Variants in MTSS1 observed in about 807,000 individuals in gnomAD.
MTSS1 encodes the protein MTSS I-BAR domain containing 1, also known as protein MTSS 1.
In MTSS1, 18 loss-of-function variants were observed where a neutral mutation model predicts 79.0. The ratio of observed to expected loss-of-function variants is 0.23; its 90% CI spans 0.16 to 0.34. The LOEUF is 0.34. Ranked by LOEUF, MTSS1 falls within the 10% of genes least tolerant of loss-of-function variation. The pLI is 1.00. For synonymous variants in MTSS1, 341 were observed against 368.6 expected, an observed-to-expected ratio of 0.93 and a Z score of 0.86; for missense variants, 815 against 986.2, an observed-to-expected ratio of 0.83 and a Z score of 2.33.
At chr8:124,622,094 G>GAGAGAGAGAA (rs1554678118) in intron 3 of MTSS1, among the ~76,000 whole-genome samples, 83 of 150,182 alleles carry the variant, frequency 5.5e-4, no homozygotes, top group Admixed American at 2.1e-3. Context: ...GAGAGAGAGA[G>GAGAGAGAGAA]AGAATATGAA....
intron 3 of MTSS1, among the ~76,000 whole-genome samples, chr8:124,626,593 T>C (rs1814717704): frequency 6.6e-6 from 1 of 151,406 alleles, no homozygotes; most frequent in Non-Finnish European, 1.5e-5. Context: ...GGGGGCAGAG[T>C]GTGGGATGAG....
At chr8:124,621,614 G>A (rs1587358444) in intron 3 of MTSS1, among the ~76,000 whole-genome samples, 1 of 152,048 alleles carries the variant, frequency 6.6e-6, no homozygotes, top group African/African-American at 2.4e-5. Flanking sequence ...GCGCCATCTC[G>A]GCTCACTGCA....
chr8:124,629,267 C>A (rs1215286815), intron 3 of MTSS1, among the ~76,000 whole-genome samples: 1 of 152,036 alleles, frequency 6.6e-6, no homozygotes, highest in Non-Finnish European at 1.5e-5. Context: ...GTAATCCCAG[C>A]ACTTTGGGAG....
intron 3 of MTSS1, among the ~76,000 whole-genome samples, chr8:124,680,914 G>A (rs12677084): frequency 0.14 from 21,773 of 152,064 alleles, 1,775 homozygotes; most frequent in East Asian, 0.39. Flanking sequence ...GGTTCGGCAA[G>A]GTCACCAAGA....
chr8:124,670,497 A>G (rs907346665), intron 3 of MTSS1, among the ~76,000 whole-genome samples: 2 of 151,950 alleles, frequency 1.3e-5, no homozygotes, highest in African/African-American at 4.8e-5. Context: ...CTTGCAAAGG[A>G]GTCTCGAAAA....
chr8:124,681,521 C>T (rs1247198323), intron 3 of MTSS1, among the ~76,000 whole-genome samples: 2 of 152,252 alleles, frequency 1.3e-5, no homozygotes, highest in African/African-American at 4.8e-5. Context: ...GGCGCAGTGG[C>T]TCATGCCTGT....
chr8:124,612,112 C>T lies in MTSS1; in HGVS notation c.209-20877G>A, dbSNP rs117881358. ...AGTTTCAGGCAGGAATTATCTGCTG[C>T]AGGAATTAGTATCGATTTGGTGAGC... On this transcript the variant is annotated intron_variant, in intron 3 of 13. Transcript: ENST00000518547. Among the ~76,000 whole-genome samples, 86 of 152,318 alleles carry T rather than the reference C, an allele frequency of 5.6e-4. No individual in the cohort carries two copies. In the East Asian group the frequency reaches 0.014, roughly 25 times the overall value.
chr8:124,715,912 C>T (rs1831877530), intron 1 of MTSS1, among the ~76,000 whole-genome samples: 1 of 152,198 alleles, frequency 6.6e-6, no homozygotes, highest in Non-Finnish European at 1.5e-5. Flanking sequence ...ACACTGATGG[C>T]AGTCCCTGCC....
At chr8:124,556,503 C>G (rs1056234324) in intron 11 of MTSS1, 98 bp from the exon 12 acceptor site, 18 of 1,335,944 alleles carry the variant, frequency 1.3e-5, no homozygotes, top group Non-Finnish European at 1.7e-5. Context: ...CAGCTGGTCC[C>G]CTTAAGGGGA....
intron 3 of MTSS1, among the ~76,000 whole-genome samples, chr8:124,698,336 G>A (rs779266549): frequency 3.3e-5 from 5 of 151,918 alleles, no homozygotes; most frequent in Non-Finnish European, 7.4e-5. Context: ...ATGTCACCAC[G>A]ACAATGAAAA....
At chr8:124,650,775 T>C (rs898881884) in intron 3 of MTSS1, among the ~76,000 whole-genome samples, 1 of 152,152 alleles carries the variant, frequency 6.6e-6, no homozygotes, top group Non-Finnish European at 1.5e-5. Flanking sequence ...ATCGGAGCTA[T>C]CTGACTTATC....
Position 124,610,559 on chromosome 8 carries a change from C to CT in MTSS1, c.209-19325dup, listed in dbSNP as rs1835620835. Among the ~76,000 whole-genome samples, 3 of 152,332 alleles carry CT rather than the reference C, an allele frequency of 2.0e-5. No individual in the cohort carries two copies. In the South Asian group the frequency reaches 6.2e-4, roughly 32 times the overall value. ...GTCAGCATCTAGGAGAATCTAAAAGCTGCATGAGACCTTAGGGGTAACCTA... is the reference window on the plus strand; with the variant it reads ...GTCAGCATCTAGGAGAATCTAAAAGCTTGCATGAGACCTTAGGGGTAACCTA... On this transcript the variant is annotated intron_variant, in intron 3 of 13. Coordinates refer to ENST00000518547, the MANE Select transcript of MTSS1 (RefSeq NM_014751.6).
intron 13 of MTSS1, among the ~76,000 whole-genome samples, chr8:124,554,536 T>TTATCATAGATAATA (rs1823163424): frequency 6.6e-6 from 1 of 152,252 alleles, no homozygotes; most frequent in South Asian, 2.1e-4. Flanking sequence ...TTTTGGTCAA[T>TTATCATAGATAATA]TATCATAGAT....
intron 7 of MTSS1, chr8:124,567,939 A>T: frequency 1.4e-6 from 2 of 1,397,306 alleles, no homozygotes; most frequent in South Asian, 3.4e-5. Flanking sequence ...TTGGATATTC[A>T]TCTCATGGTC....
rs1822511035 is a variant in MTSS1 at position 124,551,481 on chromosome 8, A to G, written c.*1511T>C. The stretch of plus-strand genomic sequence containing the variant: ...CTCACATCCAATGCAGTTATGTGTT[A>G]AAGCATAAGATTAGGTAATTGAGGG... On this transcript the variant is annotated 3_prime_UTR_variant, in exon 14 of 14. Coordinates refer to ENST00000518547, the MANE Select transcript of MTSS1 (RefSeq NM_014751.6). 6.6e-6 allele frequency: 1 copy of G among 151,924 alleles called. No homozygotes were observed. The highest frequency in any genetic ancestry group is 2.1e-4 in the South Asian group (1 of 4,834). 9.4% of individuals were successfully genotyped at this position (151,924 alleles called of 1,614,324 possible). A position where few individuals can be genotyped will look rare whatever the true frequency, so the allele number is the denominator to read the frequency against.
chr8:124,682,850 A>G (rs1033492463), intron 3 of MTSS1, among the ~76,000 whole-genome samples: 4 of 152,250 alleles, frequency 2.6e-5, no homozygotes, highest in African/African-American at 9.6e-5. Context: ...CCAAATTTAT[A>G]CTAAACATCA....
intron 3 of MTSS1, among the ~76,000 whole-genome samples, chr8:124,676,616 ACTG>A (rs1452366506): frequency 6.6e-6 from 1 of 152,248 alleles, no homozygotes; most frequent in Non-Finnish European, 1.5e-5. Flanking sequence ...CAATATTGTC[ACTG>A]CTTCCAAGAC....
intron 3 of MTSS1, among the ~76,000 whole-genome samples, chr8:124,696,494 T>C (rs951791132): frequency 3.9e-5 from 6 of 152,104 alleles, no homozygotes; most frequent in African/African-American, 1.2e-4. Context: ...TAGTAGCACG[T>C]ATGGATTTTA....
chr8:124,719,395 C>T (rs1832587591), intron 1 of MTSS1, among the ~76,000 whole-genome samples: 1 of 152,192 alleles, frequency 6.6e-6, no homozygotes, highest in East Asian at 1.9e-4. Context: ...GATCAAAAGC[C>T]TTCCTGGACT....
Sources: gnomAD v4.1 joint callset for allele counts (sites outside exome capture counted in the v4.1 genomes callset) on GRCh38, gnomAD v4.1.1 for gene constraint, MANE v1.5 for transcripts, NCBI Gene and HGNC (gene_info 2026-07-23, HGNC 2026-07-21) for gene names.